The following GLB1 variants were observed in gnomAD, a reference collection of about 807,000 sequenced individuals.
The protein encoded by GLB1 is beta-galactosidase.
In GLB1, 56 loss-of-function variants were observed where a neutral mutation model predicts 74.0. The ratio of observed to expected loss-of-function variants is 0.76; its 90% CI spans 0.61 to 0.94. The LOEUF (loss-of-function observed/expected upper bound fraction) is 0.94, where lower values mean the gene tolerates loss of function less well. Among genes scored for constraint, GLB1 ranks in the 40% least tolerant of loss-of-function variants. The pLI, the probability that GLB1 is intolerant of heterozygous loss-of-function variation, is 0.00. For missense variants in GLB1, 787 were observed against 845.5 expected (o/e 0.93, Z 0.86); for synonymous variants, 323 against 323.6 (o/e 1.00, Z 0.02).
chr3:32,994,561 A>G (rs1418059658), downstream of GLB1, among the ~76,000 whole-genome samples: 1 of 152,134 alleles, frequency 6.6e-6, no homozygotes, highest in Non-Finnish European at 1.5e-5. Context: ...TGCCCATGAG[A>G]GGCAGTGTAG....
At chr3:33,023,420 A>C (rs1189489559) in intron 11 of GLB1, among the ~76,000 whole-genome samples, 1 of 152,226 alleles carries the variant, frequency 6.6e-6, no homozygotes, top group Non-Finnish European at 1.5e-5. Flanking sequence ...AAATGTTATA[A>C]GAACTCAACC....
At chr3:33,085,558 C>T (rs566241360) in intron 1 of GLB1, among the ~76,000 whole-genome samples, 4 of 151,948 alleles carry the variant, frequency 2.6e-5, no homozygotes, top group Non-Finnish European at 4.4e-5. Context: ...ATGATATCAG[C>T]GGGTAGCAAT....
intron 6 of GLB1, among the ~76,000 whole-genome samples, chr3:33,056,939 C>T (rs1699247444): frequency 6.6e-6 from 1 of 152,114 alleles, no homozygotes; most frequent in South Asian, 2.1e-4. Context: ...GCCACACACA[C>T]AAAAAAAGTC....
rs149217656 is a variant in GLB1 at position 33,027,546 on chromosome 3, G to A, written c.1069-3221C>T. ...GCCTATATTCCCAGCACTTTGGGAGGCCGAGGCAGGCAGATCACTTGAGGT... is the reference window on the plus strand; with the variant it reads ...GCCTATATTCCCAGCACTTTGGGAGACCGAGGCAGGCAGATCACTTGAGGT... On this transcript the variant is annotated intron_variant, in intron 10 of 15. Coordinates refer to ENST00000307363, the MANE Select transcript of GLB1 (RefSeq NM_000404.4). Among the ~76,000 whole-genome samples, 26 of 152,344 alleles carry A rather than the reference G, an allele frequency of 1.7e-4. No individual in the cohort carries two copies. The East Asian group carries it at 5.0e-3, about 29-fold the overall frequency.
chr3:33,042,880 C>T (rs988611264), intron 10 of GLB1, among the ~76,000 whole-genome samples: 35 of 152,206 alleles, frequency 2.3e-4, no homozygotes, highest in African/African-American at 7.2e-4. Flanking sequence ...CCACCAAGCA[C>T]CTAAAACTGC....
At chr3:33,051,097 G>C (rs1205044941) in intron 9 of GLB1, among the ~76,000 whole-genome samples, 1 of 151,838 alleles carries the variant, frequency 6.6e-6, no homozygotes, top group African/African-American at 2.4e-5. Flanking sequence ...GCTGGGTGTG[G>C]TGGCGGGTGC....
rs1284966178 is a variant in GLB1 at position 33,016,852 on chromosome 3, A to G, written c.1348-12T>C. 2 of 1,613,654 alleles carry G rather than the reference A, an allele frequency of 1.2e-6. No homozygotes were observed. The highest frequency in any genetic ancestry group is 8.5e-7 in the Non-Finnish European group (1 of 1,179,656). On this transcript the variant is annotated splice_polypyrimidine_tract_variant and intron_variant, in intron 13 of 15. Coordinates refer to ENST00000307363, the MANE Select transcript of GLB1 (RefSeq NM_000404.4). ...ACTCCCTGGGGGATCTGTGGGGTTC[A>G]AGACCAAATGACAATTGAATTGAGG...
Position 32,996,771 on chromosome 3 carries a change from C to T in GLB1, c.*274G>A. ...TATTTAACAAAAAGGTAACATGATT[C>T]TTCCAAAATAAAAATCACTACCACC... On this transcript the variant is annotated 3_prime_UTR_variant, in exon 16 of 16. Transcript: ENST00000307363. 4.2e-6 allele frequency: 2 copies of T among 473,664 alleles called. No individual in the cohort carries two copies. Among genetic ancestry groups the T allele is most frequent in the East Asian group, 4.2e-5 (1 of 23,814 alleles). 29.3% of individuals were successfully genotyped at this position (473,664 alleles called of 1,614,324 possible).
At chr3:33,063,718 C>T (rs569096525) in intron 5 of GLB1, among the ~76,000 whole-genome samples, 1 of 152,312 alleles carries the variant, frequency 6.6e-6, no homozygotes, top group South Asian at 2.1e-4. Context: ...GAAGAAGACA[C>T]AGCCATGCAG....
rs1356421069 is a variant in GLB1 at position 33,093,613 on chromosome 3, C to A, written c.75+3398G>T. On this transcript the variant is annotated intron_variant, in intron 1 of 15. Coordinates refer to ENST00000307363, the MANE Select transcript of GLB1 (RefSeq NM_000404.4). The surrounding 1 kb of genome is among the most constrained non-coding windows in gnomAD (Gnocchi z 6.0). ...GAGGCAGGCAGCTGATGGATGGGCA[C>A]CTCCACAGTTTTCACAGCCGGGGGC... 6.2e-7 allele frequency: 1 copy of A among 1,614,180 alleles called. No individual in the cohort carries two copies. The highest frequency in any genetic ancestry group is 8.5e-7 in the Non-Finnish European group (1 of 1,180,030).
At chr3:33,063,737 C>T (rs111445076) in intron 5 of GLB1, among the ~76,000 whole-genome samples, 1 of 152,156 alleles carries the variant, frequency 6.6e-6, no homozygotes, top group African/African-American at 2.4e-5. Context: ...AGAGCAAAGA[C>T]GCACCCAAGT....
chr3:33,086,377 T>C (rs77905085), intron 1 of GLB1, among the ~76,000 whole-genome samples: 2,100 of 152,210 alleles, frequency 0.014, 37 homozygotes, highest in African/African-American at 0.048. Context: ...TGAGGAGAGT[T>C]CTTTGTAAAG....
chr3:33,072,907 C>T lies in GLB1; in HGVS notation c.76-194G>A, dbSNP rs541155915. Reference sequence around the variant, plus strand: ...CCAGGGGTACTCAGGTAAGAGAAATCATCTAAGAGGATCCACATGCAGGAT... The same window carrying T: ...CCAGGGGTACTCAGGTAAGAGAAATTATCTAAGAGGATCCACATGCAGGAT... On this transcript the variant is annotated intron_variant, in intron 1 of 15. Transcript: ENST00000307363. Among the ~76,000 whole-genome samples, 4 of 152,224 alleles carry T rather than the reference C, an allele frequency of 2.6e-5. No individual in the cohort carries two copies. The South Asian group carries it at 8.3e-4, about 32-fold the overall frequency.
intron 10 of GLB1, among the ~76,000 whole-genome samples, chr3:33,041,661 C>CA (rs58227885): frequency 0.021 from 2,089 of 99,170 alleles, 40 homozygotes; most frequent in African/African-American, 0.059. Context: ...ACCCTGTCTT[C>CA]AAAAAAAAAA....
At chr3:33,069,033 G>A in intron 2 of GLB1, 63 bp from the exon 3 acceptor site, 3 of 1,613,532 alleles carry the variant, frequency 1.9e-6, no homozygotes, top group Non-Finnish European at 2.5e-6. Flanking sequence ...AGAAGCGTGG[G>A]GAAAGGGCCT....
downstream of GLB1, among the ~76,000 whole-genome samples, chr3:32,992,360 A>G (rs1696241494): frequency 6.6e-6 from 1 of 152,238 alleles, no homozygotes; most frequent in Admixed American, 6.5e-5. Flanking sequence ...GGATGCAGGG[A>G]AAGGATGGAG....
At chr3:32,977,939 C>T in the GLB1 span, among the ~76,000 whole-genome samples, 1 of 152,170 alleles carries the variant, frequency 6.6e-6, no homozygotes, top group Non-Finnish European at 1.5e-5. Flanking sequence ...GAATTTCTGA[C>T]ACAGTTCCAT....
chr3:32,984,676 C>A, the GLB1 span, among the ~76,000 whole-genome samples: 1 of 152,204 alleles, frequency 6.6e-6, no homozygotes, highest in Non-Finnish European at 1.5e-5. Flanking sequence ...GTAATCCCAG[C>A]ACTTTGGGAG....
In GLB1 at chr3:33,051,889, A is replaced by G. The variant is rs1294362274; in HGVS notation, c.908T>C (p.Val303Ala). The change falls in exon 8 of 16, where the codon GTG (valine) becomes GCG (alanine). Residue 303 changes from valine (V) to alanine (A), a missense_variant. By Grantham distance (64) the Val-to-Ala change is moderately conservative. Transcript: ENST00000307363. Reference sequence around the variant, plus strand: ...TCAGGCAATGAACACTCACAAGTTCACACTCGCCCCACGGGCAAGTATATC... The same window carrying G: ...TCAGGCAATGAACACTCACAAGTTCGCACTCGCCCCACGGGCAAGTATATC... The part of the protein sequence containing the change: ...LYDILARGAS[V>A]NLYMFIGGTN... The G allele has an allele frequency of 6.2e-7, 1 of 1,614,248 alleles. No homozygotes were observed. The highest frequency in any genetic ancestry group is 1.1e-5 in the South Asian group (1 of 91,088).
Sources: allele counts gnomAD v4.1 joint callset (sites outside exome capture counted in the v4.1 genomes callset), GRCh38; gene constraint gnomAD v4.1.1; non-coding constraint Gnocchi (gnomAD v3.1); transcripts MANE v1.5; gene names NCBI Gene and HGNC (gene_info 2026-07-23, HGNC 2026-07-21).